The following OTOP2 variants were observed in gnomAD, a reference collection of about 807,000 sequenced individuals.
OTOP2 encodes the protein otopetrin 2, also known as proton channel OTOP2.
In OTOP2, 41 loss-of-function variants were observed where a neutral mutation model predicts 47.4. The ratio of observed to expected loss-of-function variants is 0.87; its 90% confidence interval spans 0.67 to 1.12. OTOP2 has a LOEUF of 1.12. OTOP2 is among the 50% of genes most tolerant of loss of function. The pLI is 0.00. For missense variants in OTOP2, 721 were observed against 752.2 expected, an observed-to-expected ratio of 0.96 and a Z score of 0.49; for synonymous variants, 328 against 319.6, an observed-to-expected ratio of 1.03 and a Z score of -0.28.
At position 74,925,598 on chromosome 17, in the gene OTOP2, T is replaced by C. The variant is rs375312935; in HGVS notation, c.356T>C (p.Val119Ala). ...GGAATCTGCACCCTCATCATGGATG[T>C]CTTCAAGACCGGCTACTACTCCAGT... The part of the protein sequence containing the change: ...LFGICTLIMD[V>A]FKTGYYSSFF... Residue 119 changes from valine (V) to alanine (A), a missense_variant, in exon 3 of 7, where the codon GTC (valine) becomes GCC (alanine). Coordinates refer to ENST00000331427, the MANE Select transcript of OTOP2 (RefSeq NM_178160.3). 1.7e-5 allele frequency: 27 copies of C among 1,614,094 alleles called. No homozygotes were observed. The highest frequency in any genetic ancestry group is 3.3e-4 in the Middle Eastern group (2 of 6,062).
At chr17:74,931,513 T>C (rs2039058642) in intron 6 of OTOP2, among the ~76,000 whole-genome samples, 1 of 152,174 alleles carries the variant, frequency 6.6e-6, no homozygotes, top group Non-Finnish European at 1.5e-5. Context: ...TGGGAACTTG[T>C]GATCTGCCTG....
chr17:74,927,991 ACCCT>A, intron 5 of OTOP2, 193 bp downstream of exon 5: 1 of 735,550 alleles, frequency 1.4e-6, no homozygotes. Context: ...TATCAGGGGT[ACCCT>A]TTTATCCTTG....
chr17:74,930,497 A>G lies in OTOP2; in HGVS notation c.862A>G (p.Thr288Ala). ...TPTPVSLFRETFFAGPVLGLL... is the reference protein window; with the variant it reads ...TPTPVSLFREAFFAGPVLGLL... ...AACCCCTGTCAGCCTCTTCCGGGAGACCTTTTTTGCTGGCCCGGTTCTGGG... is the reference window on the plus strand; with the variant it reads ...AACCCCTGTCAGCCTCTTCCGGGAGGCCTTTTTTGCTGGCCCGGTTCTGGG... The change falls in exon 6 of 7, where the codon ACC (threonine) becomes GCC (alanine). Residue 288 changes from threonine to alanine, a missense_variant. Thr to Ala is a moderately conservative substitution (Grantham distance 58). Coordinates refer to ENST00000331427, the MANE Select transcript of OTOP2 (RefSeq NM_178160.3). This position sits in a 1 kb window ranked among gnomAD's most constrained non-coding sequence, Gnocchi z 4.0. 1 of 1,612,314 alleles carries G rather than the reference A, an allele frequency of 6.2e-7. No homozygotes were observed. The highest frequency in any genetic ancestry group is 8.5e-7 in the Non-Finnish European group (1 of 1,178,792).
In OTOP2 at chr17:74,924,347, G is replaced by T; in HGVS notation, c.-34+14G>T. The stretch of plus-strand genomic sequence containing the variant: ...AAGCCCAGCCAGGTGGGTGCCCCGG[G>T]CCGGAGGGCAGTCGGACTTGGGGAG... On this transcript the variant is annotated intron_variant, in intron 1 of 6. Transcript: ENST00000331427. This position sits in a 1 kb window ranked among gnomAD's most constrained non-coding sequence, Gnocchi z 7.7. The T allele has an allele frequency of 2.5e-6, 1 of 396,388 alleles. No individual in the cohort carries two copies. The allele number at this position is 396,388 out of a possible 1,614,324, so 24.6% of individuals were successfully genotyped here.
chr17:74,925,439 C>T (rs1021762884), intron 2 of OTOP2, 117 bp from the exon 3 acceptor site: 4 of 1,359,374 alleles, frequency 2.9e-6, no homozygotes, highest in African/African-American at 2.9e-5. Flanking sequence ...AGTGCACTCA[C>T]TCACCCATCC....
In OTOP2 at chr17:74,930,204, A is replaced by G; in HGVS notation, c.644-75A>G. The stretch of plus-strand genomic sequence containing the variant: ...GTCTCAAAACAAAACAAAAAAAAAA[A>G]GGTCACAGGCTAGGGGTGAGACCTC... On this transcript the variant is annotated intron_variant, in intron 5 of 6. Coordinates refer to ENST00000331427, the MANE Select transcript of OTOP2 (RefSeq NM_178160.3). The surrounding 1 kb of genome is among the most constrained non-coding windows in gnomAD (Gnocchi z 4.0). The G allele has an allele frequency of 2.1e-6, 3 of 1,457,724 alleles. No homozygotes were observed. The highest frequency in any genetic ancestry group is 1.8e-6 in the Non-Finnish European group (2 of 1,088,640). The allele number at this position is 1,457,724 out of a possible 1,614,324, so 90.3% of individuals were successfully genotyped here. A position where few individuals can be genotyped will look rare whatever the true frequency, so the allele number is the denominator to read the frequency against.
intron 5 of OTOP2, among the ~76,000 whole-genome samples, chr17:74,928,833 T>C (rs756105752): frequency 1.6e-4 from 25 of 152,184 alleles, no homozygotes; most frequent in Non-Finnish European, 3.2e-4. Flanking sequence ...GCTCCTAGCA[T>C]GGGAGGGTCC....
rs567730069 is a variant in OTOP2, at chr17:74,926,488, C to T, written c.451-735C>T. 2.0e-5 allele frequency among the ~76,000 whole-genome samples: 3 copies of T among 151,904 alleles called. No homozygotes were observed. In the East Asian group the frequency reaches 5.8e-4, roughly 29 times the overall value. On this transcript the variant is annotated intron_variant, in intron 3 of 6. Transcript: ENST00000331427. ...GAAGAGGATGAGCAGGGGATGTTGT[C>T]AAATGAAGGTGAGAAGTCCACAGAG...
chr17:74,924,661 A>T lies in OTOP2; in HGVS notation c.29A>T (p.Lys10Met). Residue 10 changes from lysine (K) to methionine (M), a missense_variant, in exon 2 of 7, where the codon AAG (lysine) becomes ATG (methionine). Lys to Met is a moderately conservative substitution (Grantham distance 95). Coordinates refer to ENST00000331427, the MANE Select transcript of OTOP2 (RefSeq NM_178160.3). This position sits in a 1 kb window ranked among gnomAD's most constrained non-coding sequence, Gnocchi z 7.7. ...TCCGAGGAGCTGGCCCAGGGCCCCA[A>T]GGAGAGCCCCCCGGCGCCGCGTGCG... MSEELAQGP[K>M]ESPPAPRAGP... 1 of 1,590,534 alleles carries T rather than the reference A, an allele frequency of 6.3e-7. No individual in the cohort carries two copies. Among genetic ancestry groups the T allele is most frequent in the Non-Finnish European group, 8.5e-7 (1 of 1,172,710 alleles).
At chr17:74,926,564 A>G (rs2039010129) in intron 3 of OTOP2, among the ~76,000 whole-genome samples, 1 of 136,880 alleles carries the variant, frequency 7.3e-6, no homozygotes, top group Non-Finnish European at 1.5e-5. Context: ...TTGCTCCCAG[A>G]AAAAAAAAAA....
intron 4 of OTOP2, 89 bp downstream of exon 4, chr17:74,927,370 C>T: frequency 7.0e-7 from 1 of 1,426,186 alleles, no homozygotes; most frequent in East Asian, 2.3e-5. Flanking sequence ...GGCAGGGCCT[C>T]TCTTTATGTC....
rs376129549 is a variant in OTOP2 at position 74,924,867 on chromosome 17, T to C, written c.235T>C (p.Phe79Leu). The change falls in exon 2 of 7, where the codon TTC becomes CTC. Residue 79 changes from phenylalanine to leucine, a missense_variant. By Grantham distance (22) the Phe-to-Leu change is conservative. Coordinates refer to ENST00000331427, the MANE Select transcript of OTOP2 (RefSeq NM_178160.3). This position sits in a 1 kb window ranked among gnomAD's most constrained non-coding sequence, Gnocchi z 7.7. ...MMLLATLWIL[F>L]YLLRTVRCPC... ...GCTGCTGGCAACGCTCTGGATCCTCTTCTACCTCCTCCGAACCGTGCGCTG... is the reference window on the plus strand; with the variant it reads ...GCTGCTGGCAACGCTCTGGATCCTCCTCTACCTCCTCCGAACCGTGCGCTG... 6 of 1,605,256 alleles carry C rather than the reference T, an allele frequency of 3.7e-6. No homozygotes were observed. In the African/African-American group the frequency reaches 4.0e-5, roughly 11 times the overall value.
At position 74,930,631 on chromosome 17, in the gene OTOP2, C is replaced by T; in HGVS notation, c.996C>T (p.Asn332=). Residue 332 remains asparagine, a synonymous_variant, in exon 6 of 7, where the codon AAC becomes AAT. Coordinates refer to ENST00000331427, the MANE Select transcript of OTOP2 (RefSeq NM_178160.3). The surrounding 1 kb of genome is among the most constrained non-coding windows in gnomAD (Gnocchi z 4.0). ...CCCTGGTCATCTACTACAGCTTCAA[C>T]ATTGTCTGCTTGGGACTCACCACCT... ...RQALVIYYSF[N]IVCLGLTTLV... 1 of 1,614,094 alleles carries T rather than the reference C, an allele frequency of 6.2e-7. No homozygotes were observed. The highest frequency in any genetic ancestry group is 8.5e-7 in the Non-Finnish European group (1 of 1,180,038).
chr17:74,929,227 A>G (rs951120407), intron 5 of OTOP2, among the ~76,000 whole-genome samples: 5 of 152,094 alleles, frequency 3.3e-5, no homozygotes, highest in Non-Finnish European at 5.9e-5. Flanking sequence ...ACGGGAGGTC[A>G]TGGTGGAGAC....
chr17:74,924,838 T>C lies in OTOP2; in HGVS notation c.206T>C (p.Met69Thr), dbSNP rs764861558. 1.1e-5 allele frequency: 18 copies of C among 1,610,340 alleles called. No homozygotes were observed. Among genetic ancestry groups the C allele is most frequent in the Non-Finnish European group, 1.5e-5 (18 of 1,178,598 alleles). The part of the protein sequence containing the change: ...DTDVFALLTA[M>T]MLLATLWILF... ...GACGTGTTCGCGCTGCTCACTGCGA[T>C]GATGCTGCTGGCAACGCTCTGGATC... is the stretch of plus-strand genomic sequence containing the variant. Residue 69 changes from methionine (M) to threonine (T), a missense_variant, in exon 2 of 7, where the codon ATG (methionine) becomes ACG (threonine). Coordinates refer to ENST00000331427, the MANE Select transcript of OTOP2 (RefSeq NM_178160.3). The surrounding 1 kb of genome is among the most constrained non-coding windows in gnomAD (Gnocchi z 7.7).
Position 74,924,652 on chromosome 17 carries a change from A to T in OTOP2, c.20A>T (p.Gln7Leu). Reference protein sequence around the residue: MSEELAQGPKESPPAPR... With the variant: MSEELALGPKESPPAPR... ...TCCGCCATGTCCGAGGAGCTGGCCC[A>T]GGGCCCCAAGGAGAGCCCCCCGGCG... Residue 7 changes from glutamine (Q) to leucine (L), a missense_variant, in exon 2 of 7, where the codon CAG (glutamine) becomes CTG (leucine). Physicochemically the swap from Gln to Leu is moderately radical, Grantham distance 113 (BLOSUM62 -2). Coordinates refer to ENST00000331427, the MANE Select transcript of OTOP2 (RefSeq NM_178160.3). This position sits in a 1 kb window ranked among gnomAD's most constrained non-coding sequence, Gnocchi z 7.7. 6.3e-7 allele frequency: 1 copy of T among 1,583,996 alleles called. No homozygotes were observed. The highest frequency in any genetic ancestry group is 8.6e-7 in the Non-Finnish European group (1 of 1,169,512).
At chr17:74,927,832 C>T (rs1598592654) in intron 5 of OTOP2, 34 bp downstream of exon 5, 1 of 1,609,540 alleles carries the variant, frequency 6.2e-7, no homozygotes, top group East Asian at 2.2e-5. Flanking sequence ...CCTGTGGCTA[C>T]CAGGCCTTGG....
Position 74,933,538 on chromosome 17 carries a change from T to A in OTOP2, c.1682T>A (p.Leu561Gln), listed in dbSNP as rs1174821058. 6.2e-7 allele frequency: 1 copy of A among 1,600,188 alleles called. No homozygotes were observed. Among genetic ancestry groups the A allele is most frequent in the South Asian group, 1.1e-5 (1 of 90,348 alleles). ...TCCAGCCTGCTGGAGGTCTACGTGC[T>A]GTCCTGAGGCCTCCAACAGAGGCAT... ...AVSSLLEVYVLS is the reference protein window; with the variant it reads ...AVSSLLEVYVQS The change falls in exon 7 of 7, where the codon CTG (leucine) becomes CAG (glutamine). Residue 561 changes from leucine (L) to glutamine (Q), a missense_variant. Physicochemically the swap from Leu to Gln is moderately radical, Grantham distance 113. Coordinates refer to ENST00000331427, the MANE Select transcript of OTOP2 (RefSeq NM_178160.3). This position sits in a 1 kb window ranked among gnomAD's most constrained non-coding sequence, Gnocchi z 4.7.
intron 2 of OTOP2, 136 bp from the exon 3 acceptor site, chr17:74,925,420 C>G (rs1441255048): frequency 4.6e-6 from 5 of 1,078,360 alleles, no homozygotes; most frequent in Non-Finnish European, 5.3e-6. Flanking sequence ...CCCCATTGAT[C>G]CATCCAACAG....
Sources: allele counts gnomAD v4.1 joint callset (sites outside exome capture counted in the v4.1 genomes callset), GRCh38; gene constraint gnomAD v4.1.1; non-coding constraint Gnocchi (gnomAD v3.1); transcripts MANE v1.5; gene names NCBI Gene and HGNC (gene_info 2026-07-23, HGNC 2026-07-21).